The following FBXL7 variants were observed in gnomAD, a reference collection of about 807,000 sequenced individuals.
FBXL7 encodes the protein F-box and leucine rich repeat protein 7.
FBXL7 carries 12 observed loss-of-function variants against 38.3 expected under a neutral mutation model. The ratio of observed to expected loss-of-function variants is 0.31; its 90% confidence interval spans 0.20 to 0.51. The LOEUF (loss-of-function observed/expected upper bound fraction) is 0.51. Among genes scored for constraint, FBXL7 ranks in the 20% least tolerant of loss-of-function variants. The pLI, the probability that FBXL7 is intolerant of heterozygous loss-of-function variation, is 0.98. For missense variants in FBXL7, 567 were observed against 676.4 expected (o/e 0.84, Z 1.79); for synonymous variants, 297 against 300.9 (o/e 0.99, Z 0.13).
intron 1 of FBXL7, among the ~76,000 whole-genome samples, chr5:15,511,130 A>G (rs1736785770): frequency 6.6e-6 from 1 of 152,232 alleles, no homozygotes; most frequent in Admixed American, 6.5e-5. Flanking sequence ...TGACAGTTTT[A>G]TGGGCTAGGT....
intron 2 of FBXL7, among the ~76,000 whole-genome samples, chr5:15,625,966 T>C (rs1740803499): frequency 6.6e-6 from 1 of 152,116 alleles, no homozygotes; most frequent in Non-Finnish European, 1.5e-5. Context: ...AACTATTGCG[T>C]GGGGGGCCTT....
chr5:15,649,430 C>T (rs1741636895), intron 2 of FBXL7, among the ~76,000 whole-genome samples: 1 of 152,114 alleles, frequency 6.6e-6, no homozygotes, highest in South Asian at 2.1e-4. Flanking sequence ...GTTACAAAGC[C>T]TATGCATACA....
Position 15,746,431 on chromosome 5 carries a change from C to T in FBXL7, c.127+130359C>T, listed in dbSNP as rs112078559. On this transcript the variant is annotated intron_variant, in intron 2 of 3. Coordinates refer to ENST00000504595, the MANE Select transcript of FBXL7 (RefSeq NM_012304.5). The stretch of plus-strand genomic sequence containing the variant: ...TTATACACTATGGAAATGTATTTCT[C>T]ACAGTTCTGGAGGCTGAGAAGTCCA... 7.3e-3 allele frequency among the ~76,000 whole-genome samples: 1,109 copies of T among 152,244 alleles called. 10 individuals carry two copies. The highest frequency in any genetic ancestry group is 0.025 in the African/African-American group (1,056 of 41,530).
chr5:15,700,807 C>CT (rs939177096), intron 2 of FBXL7, among the ~76,000 whole-genome samples: 38 of 152,090 alleles, frequency 2.5e-4, no homozygotes, highest in Non-Finnish European at 2.5e-4. Flanking sequence ...ATGGGACTTT[C>CT]TTTTTTTCTA....
At chr5:15,603,965 T>C (rs1739901785) in intron 1 of FBXL7, among the ~76,000 whole-genome samples, 1 of 152,096 alleles carries the variant, frequency 6.6e-6, no homozygotes, top group Non-Finnish European at 1.5e-5. Context: ...GGCGAAACCC[T>C]GTCTCTACTA....
At chr5:15,823,711 C>T (rs765676863) in intron 2 of FBXL7, among the ~76,000 whole-genome samples, 6 of 152,106 alleles carry the variant, frequency 3.9e-5, no homozygotes, top group Non-Finnish European at 7.4e-5. Context: ...CTGTGCCCTC[C>T]AGCAAGCCGT....
chr5:15,630,557 A>G (rs1444141243), intron 2 of FBXL7, among the ~76,000 whole-genome samples: 44 of 152,076 alleles, frequency 2.9e-4, no homozygotes, highest in Non-Finnish European at 1.0e-4. Context: ...AAATAATACT[A>G]TTCTTTCCTT....
chr5:15,628,051 A>G (rs1321005529), intron 2 of FBXL7, among the ~76,000 whole-genome samples: 1 of 152,198 alleles, frequency 6.6e-6, no homozygotes, highest in Non-Finnish European at 1.5e-5. Flanking sequence ...TTGTGTGTAA[A>G]TCATTTAGAG....
At chr5:15,831,676 A>G (rs1450840522) in intron 2 of FBXL7, among the ~76,000 whole-genome samples, 4 of 152,198 alleles carry the variant, frequency 2.6e-5, no homozygotes, top group African/African-American at 9.6e-5. Flanking sequence ...ACATTGTTGG[A>G]GAACTCCAGG....
intron 2 of FBXL7, among the ~76,000 whole-genome samples, chr5:15,644,040 G>A (rs1313686087): frequency 6.6e-6 from 1 of 152,130 alleles, no homozygotes; most frequent in African/African-American, 2.4e-5. Flanking sequence ...TAGCTAGCCT[G>A]GAATTTTCCT....
At chr5:15,880,561 G>A (rs371246556) in intron 2 of FBXL7, among the ~76,000 whole-genome samples, 22 of 152,104 alleles carry the variant, frequency 1.4e-4, no homozygotes, top group Non-Finnish European at 2.2e-4. Flanking sequence ...CTTAGGTTTT[G>A]TATATCTTTG....
intron 2 of FBXL7, among the ~76,000 whole-genome samples, chr5:15,715,800 AGCAT>A (rs1744025987): frequency 6.6e-6 from 1 of 152,168 alleles, no homozygotes; most frequent in Non-Finnish European, 1.5e-5. Flanking sequence ...TTCCTATCTA[AGCAT>A]GCTACTTGCC....
At chr5:15,781,536 T>C (rs992054542) in intron 2 of FBXL7, among the ~76,000 whole-genome samples, 1 of 151,970 alleles carries the variant, frequency 6.6e-6, no homozygotes, top group Non-Finnish European at 1.5e-5. Flanking sequence ...GTGCCTGATA[T>C]TGAGAAATAG....
intron 1 of FBXL7, among the ~76,000 whole-genome samples, chr5:15,502,413 G>C (rs537530702): frequency 6.6e-6 from 1 of 152,240 alleles, no homozygotes; most frequent in East Asian, 1.9e-4. Context: ...GGGAACTAAT[G>C]TTCTCCAGCT....
chr5:15,566,902 G>A (rs1738591546), intron 1 of FBXL7, among the ~76,000 whole-genome samples: 1 of 152,150 alleles, frequency 6.6e-6, no homozygotes, highest in South Asian at 2.1e-4. Flanking sequence ...AAGATTGTCA[G>A]TGAAGGTTTA....
intron 2 of FBXL7, among the ~76,000 whole-genome samples, chr5:15,646,518 C>T (rs1206883002): frequency 1.3e-5 from 2 of 151,776 alleles, no homozygotes; most frequent in South Asian, 4.2e-4. Flanking sequence ...ATGGCTACAG[C>T]GGGGTCTGAA....
intron 1 of FBXL7, 71 bp from the exon 2 acceptor site, chr5:15,615,912 G>C: frequency 1.0e-6 from 1 of 956,316 alleles, no homozygotes; most frequent in Non-Finnish European, 1.7e-6. Flanking sequence ...CTTGCTGTGG[G>C]ACCGAGTGGA....
chr5:15,936,819 A>G lies in FBXL7; in HGVS notation c.1109A>G (p.Tyr370Cys). ...CGGGTCACCGACGTGGGCATCCGCTACGTGGCCAAGTACTGCAGCAAGCTG... is the reference window on the plus strand; with the variant it reads ...CGGGTCACCGACGTGGGCATCCGCTGCGTGGCCAAGTACTGCAGCAAGCTG... ...CGRVTDVGIR[Y>C]VAKYCSKLRY... Residue 370 changes from tyrosine (Y) to cysteine (C), a missense_variant, in exon 4 of 4, where the codon TAC becomes TGC. Transcript: ENST00000504595. The surrounding 1 kb of genome is among the most constrained non-coding windows in gnomAD (Gnocchi z 6.0). 1.2e-6 allele frequency: 2 copies of G among 1,613,338 alleles called. No individual in the cohort carries two copies. Among genetic ancestry groups the G allele is most frequent in the Non-Finnish European group, 1.7e-6 (2 of 1,179,692 alleles).
chr5:15,755,807 G>A (rs1454315542), intron 2 of FBXL7, among the ~76,000 whole-genome samples: 1 of 152,176 alleles, frequency 6.6e-6, no homozygotes, highest in Admixed American at 6.5e-5. Context: ...CAGCCAATCA[G>A]AATGCTGTAA....
Sources: allele counts gnomAD v4.1 joint callset (sites outside exome capture counted in the v4.1 genomes callset), GRCh38; gene constraint gnomAD v4.1.1; non-coding constraint Gnocchi (gnomAD v3.1); transcripts MANE v1.5; gene names NCBI Gene and HGNC (gene_info 2026-07-23, HGNC 2026-07-21).